ZMYM4: variants seen among roughly 807,000 people sequenced by gnomAD.
ZMYM4 encodes the protein zinc finger MYM-type protein 4.
In ZMYM4, 31 loss-of-function variants were observed where a neutral mutation model predicts 183.2. The observed-to-expected ratio is 0.17, with a 90% CI of 0.13 to 0.23. ZMYM4 has a LOEUF of 0.23. Ranked by LOEUF, ZMYM4 falls within the 10% of genes least tolerant of loss-of-function variation. ZMYM4 has a pLI of 1.00. For synonymous variants in ZMYM4, 592 were observed against 631.2 expected (o/e 0.94, Z 0.93); for missense variants, 1,273 against 1,840.3 (o/e 0.69, Z 5.64).
chr1:35,418,215 G>A (rs999913079), intron 28 of ZMYM4, among the ~76,000 whole-genome samples: 2 of 152,140 alleles, frequency 1.3e-5, no homozygotes, highest in Non-Finnish European at 2.9e-5. Flanking sequence ...GGTGAGCAGG[G>A]GAGCATAAAA....
chr1:35,381,852 T>G (rs1644465014), intron 9 of ZMYM4, 94 bp downstream of exon 9: 1 of 1,462,452 alleles, frequency 6.8e-7, no homozygotes, highest in African/African-American at 1.4e-5. Context: ...TTTTGCAATA[T>G]TGGGTTTACT....
chr1:35,342,069 C>G (rs536793014), intron 2 of ZMYM4, among the ~76,000 whole-genome samples: 1 of 152,120 alleles, frequency 6.6e-6, no homozygotes, highest in Non-Finnish European at 1.5e-5. Context: ...TCTGAATTCA[C>G]TTTCTTTAAT....
At chr1:35,295,208 T>C (rs772249666) in intron 1 of ZMYM4, among the ~76,000 whole-genome samples, 1 of 152,156 alleles carries the variant, frequency 6.6e-6, no homozygotes, top group Non-Finnish European at 1.5e-5. Flanking sequence ...AGAGATACAG[T>C]GTACTTCGGT....
At chr1:35,325,065 T>C (rs1642448493) in intron 1 of ZMYM4, among the ~76,000 whole-genome samples, 1 of 152,150 alleles carries the variant, frequency 6.6e-6, no homozygotes, top group African/African-American at 2.4e-5. Flanking sequence ...TTTACTGTTA[T>C]TAAAATATAT....
At chr1:35,405,820 AT>A (rs1467564496) in intron 25 of ZMYM4, among the ~76,000 whole-genome samples, 4 of 150,886 alleles carry the variant, frequency 2.7e-5, no homozygotes, top group East Asian at 1.9e-4. Flanking sequence ...TAATGTAGGA[AT>A]TTTTCCTTAC....
intron 13 of ZMYM4, among the ~76,000 whole-genome samples, chr1:35,388,015 G>A (rs1644617335): frequency 1.3e-5 from 2 of 152,060 alleles, no homozygotes; most frequent in Admixed American, 1.3e-4. Context: ...GCTTGAATAT[G>A]CAAATTAATA....
chr1:35,283,897 TA>T (rs751641056), intron 1 of ZMYM4, among the ~76,000 whole-genome samples: 3 of 152,178 alleles, frequency 2.0e-5, no homozygotes, highest in South Asian at 2.1e-4. Context: ...AATTTACAAA[TA>T]TTTTTTTCCC....
intron 9 of ZMYM4, among the ~76,000 whole-genome samples, chr1:35,384,708 A>G (rs1291568578): frequency 1.3e-5 from 2 of 152,110 alleles, no homozygotes; most frequent in Admixed American, 1.3e-4. Context: ...GGTTATTTCA[A>G]TTTATAGGAT....
intron 7 of ZMYM4, 183 bp downstream of exon 7, chr1:35,370,810 T>G (rs1644191285): frequency 4.3e-6 from 3 of 694,394 alleles, no homozygotes; most frequent in Middle Eastern, 4.5e-4. Context: ...TTCCAGGTGC[T>G]AGGTGCTCAG....
chr1:35,384,541 G>T (rs1263729669), intron 9 of ZMYM4, among the ~76,000 whole-genome samples: 1 of 152,082 alleles, frequency 6.6e-6, no homozygotes, highest in Non-Finnish European at 1.5e-5. Context: ...GACTCTGGTT[G>T]TTTGTATTTG....
Position 35,288,474 on chromosome 1 carries a change from A to G in ZMYM4, c.39+19389A>G, listed in dbSNP as rs186991849. ...TCTTTGTGGGAGAGTTTCTTTCTGA[A>G]TGTCTTTGCTACTATCACGCTAGCT... On this transcript the variant is annotated intron_variant, in intron 1 of 29. Transcript: ENST00000314607. 5.9e-4 allele frequency among the ~76,000 whole-genome samples: 90 copies of G among 152,268 alleles called. No individual in the cohort carries two copies. The Middle Eastern group carries it at 0.01, about 17-fold the overall frequency.
At chr1:35,277,543 G>A (rs1462163852) in intron 1 of ZMYM4, among the ~76,000 whole-genome samples, 1 of 152,002 alleles carries the variant, frequency 6.6e-6, no homozygotes, top group Non-Finnish European at 1.5e-5. Context: ...GGATCATTTG[G>A]TTTAGGTTCT....
At position 35,415,790 on chromosome 1, in the gene ZMYM4, G is replaced by A. The variant is rs925192691; in HGVS notation, c.4309+76G>A. 12 of 1,535,390 alleles carry A rather than the reference G, an allele frequency of 7.8e-6. No homozygotes were observed. In the African/African-American group the frequency reaches 9.6e-5, roughly 12 times the overall value. ...TAAAATAGAGAGTTACTGCAGAAAG[G>A]TAATTATAAATGCTAGACGTGAAAG... On this transcript the variant is annotated intron_variant, in intron 28 of 29. Transcript: ENST00000314607.
intron 2 of ZMYM4, among the ~76,000 whole-genome samples, chr1:35,358,345 G>A (rs1372435938): frequency 1.3e-5 from 2 of 152,150 alleles, no homozygotes; most frequent in African/African-American, 4.8e-5. Context: ...TTATTTTTAT[G>A]TGTAAGTATT....
intron 5 of ZMYM4, among the ~76,000 whole-genome samples, chr1:35,362,762 G>A (rs1226578349): frequency 6.6e-6 from 1 of 151,864 alleles, no homozygotes; most frequent in East Asian, 1.9e-4. Flanking sequence ...GAATGCAGTG[G>A]TGCAATCACT....
rs572682026 is a variant in ZMYM4, at chr1:35,374,668, G to A, written c.1181+4041G>A. Among the ~76,000 whole-genome samples, 9 of 137,914 alleles carry A rather than the reference G, an allele frequency of 6.5e-5. No homozygotes were observed. The South Asian group carries it at 1.8e-3, about 28-fold the overall frequency. The allele number at this position is 137,914 out of a possible 152,430, so 90.5% of individuals were successfully genotyped here. On this transcript the variant is annotated intron_variant, in intron 7 of 29. Coordinates refer to ENST00000314607, the MANE Select transcript of ZMYM4 (RefSeq NM_005095.3). ...CCTAAAAAAAGTCAGCCACATCTCC[G>A]TCTCAAAAAAAAAAAAAAGTCAGTC... is the stretch of plus-strand genomic sequence containing the variant.
intron 17 of ZMYM4, 60 bp from the exon 18 acceptor site, chr1:35,393,535 C>A (rs1158924446): frequency 1.4e-6 from 2 of 1,391,584 alleles, no homozygotes; most frequent in African/African-American, 1.5e-5. Flanking sequence ...TATAATATTT[C>A]TTATAATTAC....
intron 18 of ZMYM4, among the ~76,000 whole-genome samples, chr1:35,394,363 A>G (rs903827858): frequency 2.6e-5 from 4 of 151,186 alleles, no homozygotes; most frequent in African/African-American, 9.7e-5. Flanking sequence ...TGCTTTTCCT[A>G]GGGTAGAGCC....
At position 35,389,928 on chromosome 1, in the gene ZMYM4, G is replaced by T; in HGVS notation, c.2437-20G>T. 6.3e-7 allele frequency: 1 copy of T among 1,593,424 alleles called. No homozygotes were observed. The highest frequency in any genetic ancestry group is 1.1e-5 in the South Asian group (1 of 88,924). ...ACAGATAATTTGTTTCTTACTCCTT[G>T]ACTACCTTCTTCTTTTTAGATGGCC... On this transcript the variant is annotated intron_variant, in intron 14 of 29. Transcript: ENST00000314607. This position sits in a 1 kb window ranked among gnomAD's most constrained non-coding sequence, Gnocchi z 4.0.
Sources: gnomAD v4.1 joint callset for allele counts (sites outside exome capture counted in the v4.1 genomes callset) on GRCh38, gnomAD v4.1.1 for gene constraint, Gnocchi (gnomAD v3.1) non-coding constraint, MANE v1.5 for transcripts, NCBI Gene and HGNC (gene_info 2026-07-23, HGNC 2026-07-21) for gene names.